Variants in PPIL6 observed in about 807,000 individuals in gnomAD.
The protein encoded by PPIL6 is peptidylprolyl isomerase like 6.
Under a neutral mutation model 36.8 loss-of-function variants are expected in PPIL6, and 39 were observed. The ratio of observed to expected loss-of-function variants is 1.06; its 90% confidence interval spans 0.82 to 1.38. PPIL6 has a LOEUF of 1.38. PPIL6 is among the 40% of genes most tolerant of loss of function. The probability of loss-of-function intolerance (pLI) is 0.00; values close to 1 mark genes in which losing one functional copy is unlikely to be tolerated. For synonymous variants in PPIL6, 123 were observed against 134.1 expected (o/e 0.92, Z 0.57); for missense variants, 368 against 379.1 (o/e 0.97, Z 0.24).
intron 3 of PPIL6, among the ~76,000 whole-genome samples, chr6:109,430,084 TTCAA>T (rs1774050614): frequency 6.6e-6 from 1 of 152,234 alleles, no homozygotes; most frequent in Non-Finnish European, 1.5e-5. Context: ...GCACTGTTTA[TTCAA>T]TCAAACATGC....
rs760486044 is a variant in PPIL6, at chr6:109,426,845, AC to A, written c.631+1del. The A allele has an allele frequency of 8.6e-6, 13 of 1,507,112 alleles. No homozygotes were observed. The highest frequency in any genetic ancestry group is 8.2e-5 in the South Asian group (6 of 73,388). 93.4% of individuals were successfully genotyped at this position (1,507,112 alleles called of 1,614,324 possible). On this transcript the variant is annotated splice_donor_variant, in intron 5 of 7. Transcript: ENST00000521072. LOFTEE classifies it high-confidence loss of function. ...AACTCGTATTTAAGATTTTAAACTT[AC>A]CCCCTCCTTGTATCCAGCCATTCTG...
At position 109,409,542 on chromosome 6, in the gene PPIL6, C is replaced by T. The variant is rs1040811984; in HGVS notation, c.689-9372G>A. On this transcript the variant is annotated intron_variant, in intron 6 of 7. Transcript: ENST00000521072. ...TCACGCCACTGCACCCCAGCCTGGGCGACAGTGTCGTGAGACTCCATCTCA... is the reference window on the plus strand; with the variant it reads ...TCACGCCACTGCACCCCAGCCTGGGTGACAGTGTCGTGAGACTCCATCTCA... Among the ~76,000 whole-genome samples, 8 of 150,592 alleles carry T rather than the reference C, an allele frequency of 5.3e-5. No homozygotes were observed. In the East Asian group the frequency reaches 7.8e-4, roughly 15 times the overall value.
rs1402010130 is a variant in PPIL6, at chr6:109,392,787, CA to C, written c.*38del. On this transcript the variant is annotated 3_prime_UTR_variant, in exon 8 of 8. Transcript: ENST00000521072. Reference sequence around the variant, plus strand: ...AAATCCACAAACAGCTGATCAGATACAAAGTAATAAATTATCACAGAAAATA... The same window carrying C: ...AAATCCACAAACAGCTGATCAGATACAAGTAATAAATTATCACAGAAAATA... 7 of 1,177,448 alleles carry C rather than the reference CA, an allele frequency of 5.9e-6. No individual in the cohort carries two copies. The highest frequency in any genetic ancestry group is 8.7e-6 in the Non-Finnish European group (7 of 809,010). 72.9% of individuals were successfully genotyped at this position (1,177,448 alleles called of 1,614,324 possible).
upstream of PPIL6, chr6:109,441,155 T>G (rs572510624): frequency 6.8e-6 from 11 of 1,614,188 alleles, no homozygotes; most frequent in African/African-American, 1.3e-5. Context: ...ACTGCGGATC[T>G]TCAACCTCAA....
chr6:109,432,651 G>T (rs1774219445), intron 2 of PPIL6, among the ~76,000 whole-genome samples: 1 of 152,058 alleles, frequency 6.6e-6, no homozygotes, highest in African/African-American at 2.4e-5. Context: ...TTTTGGAGAT[G>T]AGGTCTCACT....
At chr6:109,429,253 C>T (rs1325820456) in intron 3 of PPIL6, among the ~76,000 whole-genome samples, 1 of 152,188 alleles carries the variant, frequency 6.6e-6, no homozygotes, top group Admixed American at 6.5e-5. Context: ...ATCCCCTGCT[C>T]CCAAGCTCTC....
At chr6:109,422,517 G>C (rs773936425) in intron 5 of PPIL6, among the ~76,000 whole-genome samples, 2 of 152,144 alleles carry the variant, frequency 1.3e-5, no homozygotes, top group Admixed American at 6.5e-5. Context: ...TTGAGTCCAG[G>C]AGGTTGAGGC....
rs912593200 is a variant in PPIL6 at position 109,392,754 on chromosome 6, T to G, written c.*72A>C. The G allele has an allele frequency of 2.0e-6, 2 of 979,904 alleles. No homozygotes were observed. Among genetic ancestry groups the G allele is most frequent in the Non-Finnish European group, 3.1e-6 (2 of 648,746 alleles). 60.7% of individuals were successfully genotyped at this position (979,904 alleles called of 1,614,324 possible). On this transcript the variant is annotated 3_prime_UTR_variant, in exon 8 of 8. Transcript: ENST00000521072. ...TTCAAATTACAATTTATCAAGTACT[T>G]TTTAATTAAATCCACAAACAGCTGA...
chr6:109,431,215 G>C lies in PPIL6; in HGVS notation c.362C>G (p.Ser121Cys), dbSNP rs60825027. ...CTCAGTGAGTGCGTCATAAAGTGCA[G>C]AGGGTTTAATGTCAACTATATCCCA... ...EVWDIVDIKP[S>C]ALYDALTEDF... The change falls in exon 3 of 8, where the codon TCT becomes TGT. Residue 121 changes from serine to cysteine, a missense_variant. By Grantham distance (112) the Ser-to-Cys change is moderately radical (BLOSUM62 -1). Coordinates refer to ENST00000521072, the MANE Select transcript of PPIL6 (RefSeq NM_173672.5). The C allele has an allele frequency of 1.9e-6, 3 of 1,614,076 alleles. No homozygotes were observed. The highest frequency in any genetic ancestry group is 2.5e-6 in the Non-Finnish European group (3 of 1,179,964).
Position 109,431,004 on chromosome 6 carries a change from T to C in PPIL6, c.420+153A>G, listed in dbSNP as rs543492749. On this transcript the variant is annotated intron_variant, in intron 3 of 7. Coordinates refer to ENST00000521072, the MANE Select transcript of PPIL6 (RefSeq NM_173672.5). ...ACACTTGCTTTACATACCACCATAT[T>C]ACAATCTTTTGCAAATGGAAATGGA... is the stretch of plus-strand genomic sequence containing the variant. Among the ~76,000 whole-genome samples the C allele has an allele frequency of 9.2e-5, 14 of 152,344 alleles. No homozygotes were observed. In the East Asian group the frequency reaches 2.5e-3, roughly 27 times the overall value.
chr6:109,417,171 TAAAAAAAAAA>T (rs929868840), intron 6 of PPIL6, among the ~76,000 whole-genome samples: 1 of 133,260 alleles, frequency 7.5e-6, no homozygotes, highest in South Asian at 2.4e-4. Context: ...TCCTGTCTCT[TAAAAAAAAAA>T]AAAAGAAAAA....
At chr6:109,410,535 C>T (rs545112427) in intron 6 of PPIL6, among the ~76,000 whole-genome samples, 9 of 152,252 alleles carry the variant, frequency 5.9e-5, no homozygotes, top group Admixed American at 3.3e-4. Flanking sequence ...ATCTTCAAAT[C>T]CCAAACTCCT....
chr6:109,433,566 A>T (rs914013604), intron 2 of PPIL6, among the ~76,000 whole-genome samples: 4 of 152,190 alleles, frequency 2.6e-5, no homozygotes, highest in Non-Finnish European at 5.9e-5. Flanking sequence ...CAGCACTAAG[A>T]GTATGAGGCT....
intron 1 of PPIL6, among the ~76,000 whole-genome samples, chr6:109,439,737 G>C (rs552054232): frequency 1.3e-5 from 2 of 152,302 alleles, no homozygotes; most frequent in Admixed American, 1.3e-4. Context: ...GTGAGCTTCG[G>C]CGAGAAGTTT....
chr6:109,427,656 A>C (rs1411101178), intron 3 of PPIL6, among the ~76,000 whole-genome samples: 2 of 152,102 alleles, frequency 1.3e-5, no homozygotes, highest in African/African-American at 2.4e-5. Flanking sequence ...AAAGTACTGA[A>C]ATTACAGGCG....
chr6:109,440,754 G>C (rs897438085), upstream of PPIL6: 8 of 403,940 alleles, frequency 2.0e-5, no homozygotes, highest in Non-Finnish European at 3.0e-5. Context: ...CTGGGCCGCC[G>C]GCGCGCGGGC....
chr6:109,394,921 G>T (rs560968900), intron 7 of PPIL6, among the ~76,000 whole-genome samples: 1 of 152,224 alleles, frequency 6.6e-6, no homozygotes, highest in Non-Finnish European at 1.5e-5. Flanking sequence ...CCACCAACTG[G>T]CTATCCTATA....
chr6:109,410,997 T>C (rs1420607730), intron 6 of PPIL6, among the ~76,000 whole-genome samples: 1 of 152,206 alleles, frequency 6.6e-6, no homozygotes, highest in Non-Finnish European at 1.5e-5. Flanking sequence ...AACCGGCTCA[T>C]TTTTGTTTGT....
At chr6:109,402,627 T>C (rs568092508) in intron 6 of PPIL6, among the ~76,000 whole-genome samples, 6 of 151,904 alleles carry the variant, frequency 3.9e-5, no homozygotes, top group African/African-American at 1.4e-4. Context: ...TTGAGAACCA[T>C]TGCTATAAAG....
Sources: gnomAD v4.1 joint callset for allele counts (sites outside exome capture counted in the v4.1 genomes callset) on GRCh38, gnomAD v4.1.1 for gene constraint, MANE v1.5 for transcripts, NCBI Gene and HGNC (gene_info 2026-07-23, HGNC 2026-07-21) for gene names.